The following POU6F2 variants were observed in gnomAD, a reference collection of about 807,000 sequenced individuals.
POU6F2 encodes the protein POU class 6 homeobox 2, also known as POU domain, class 6, transcription factor 2.
Under a neutral mutation model 71.3 loss-of-function variants are expected in POU6F2, and 31 were observed. The ratio of observed to expected loss-of-function variants is 0.43; its 90% CI spans 0.33 to 0.59. POU6F2 has a LOEUF of 0.59. Ranked by LOEUF, POU6F2 falls within the 20% of genes least tolerant of loss-of-function variation. The pLI is 0.04. For synonymous variants in POU6F2, 347 were observed against 355.7 expected (o/e 0.98, Z 0.27); for missense variants, 783 against 856.8 (o/e 0.91, Z 1.07).
At chr7:39,318,018 A>G (rs1785307394) in intron 4 of POU6F2, among the ~76,000 whole-genome samples, 1 of 152,118 alleles carries the variant, frequency 6.6e-6, no homozygotes, top group South Asian at 2.1e-4. Context: ...CTAGTAGGAA[A>G]CGTTTTTTGC....
intron 2 of POU6F2, among the ~76,000 whole-genome samples, chr7:39,130,631 T>G (rs1312986004): frequency 6.6e-6 from 1 of 151,910 alleles, no homozygotes. Context: ...GAAAACTCAC[T>G]GAATCATAAT....
At chr7:39,079,180 C>CTTTTTTTT (rs1162865518) in intron 1 of POU6F2, among the ~76,000 whole-genome samples, 2 of 79,306 alleles carry the variant, frequency 2.5e-5, no homozygotes, top group Admixed American at 1.9e-4. Flanking sequence ...CTCACAATAT[C>CTTTTTTTT]TTTTTTTTTT....
At chr7:39,275,172 C>T (rs929528024) in intron 4 of POU6F2, among the ~76,000 whole-genome samples, 3 of 152,210 alleles carry the variant, frequency 2.0e-5, no homozygotes, top group African/African-American at 7.2e-5. Flanking sequence ...AGCCCAAAAT[C>T]TCCTTAAGCT....
chr7:39,022,416 G>A (rs1789698257), intron 1 of POU6F2, among the ~76,000 whole-genome samples: 1 of 151,868 alleles, frequency 6.6e-6, no homozygotes, highest in African/African-American at 2.4e-5. Context: ...ATCATTTTCT[G>A]CAATAAAACA....
intron 7 of POU6F2, among the ~76,000 whole-genome samples, chr7:39,434,550 T>C (rs1788187081): frequency 6.6e-6 from 1 of 151,812 alleles, no homozygotes; most frequent in Non-Finnish European, 1.5e-5. Context: ...ATGATGGTGA[T>C]GATGATTGTG....
intron 1 of POU6F2, among the ~76,000 whole-genome samples, chr7:38,990,119 C>T (rs990654797): frequency 1.4e-4 from 21 of 151,876 alleles, no homozygotes; most frequent in African/African-American, 5.1e-4. Context: ...AAATTCTGGC[C>T]AAATATATGT....
intron 4 of POU6F2, among the ~76,000 whole-genome samples, chr7:39,339,393 G>A (rs897803760): frequency 5.9e-5 from 9 of 152,146 alleles, no homozygotes; most frequent in African/African-American, 1.9e-4. Flanking sequence ...GGCTTGCATT[G>A]TTCACCACCT....
chr7:39,378,390 G>T (rs2237407), intron 5 of POU6F2, among the ~76,000 whole-genome samples: 1 of 151,858 alleles, frequency 6.6e-6, no homozygotes, highest in Non-Finnish European at 1.5e-5. Context: ...CTCCAATCCC[G>T]TCTACAGACT....
chr7:39,317,067 C>A (rs12671222), intron 4 of POU6F2, among the ~76,000 whole-genome samples: 103,068 of 151,686 alleles, frequency 0.68, 35,037 homozygotes, highest in Admixed American at 0.77. Flanking sequence ...TTCCTTCTCA[C>A]GATAAGCCAG....
chr7:39,377,394 G>A (rs1437317575), intron 5 of POU6F2, among the ~76,000 whole-genome samples: 1 of 152,084 alleles, frequency 6.6e-6, no homozygotes, highest in South Asian at 2.1e-4. Flanking sequence ...GCCTCCCAAA[G>A]TGCCGGGATT....
At chr7:39,207,656 A>G (rs746316266) in intron 4 of POU6F2, 36 bp downstream of exon 4, 3 of 1,577,646 alleles carry the variant, frequency 1.9e-6, no homozygotes, top group East Asian at 4.6e-5. Context: ...GTAAGGCTCT[A>G]CCCGTTGGCC....
chr7:39,116,317 C>T (rs1359698697), intron 2 of POU6F2, among the ~76,000 whole-genome samples: 1 of 151,986 alleles, frequency 6.6e-6, no homozygotes, highest in Non-Finnish European at 1.5e-5. Flanking sequence ...CCTAGGAGGT[C>T]GAGGCTGCAG....
chr7:39,309,164 G>A (rs986616680), intron 4 of POU6F2, among the ~76,000 whole-genome samples: 13 of 152,196 alleles, frequency 8.5e-5, no homozygotes, highest in Admixed American at 1.3e-4. Flanking sequence ...AGAATATAGC[G>A]AGAACGAAAA....
intron 4 of POU6F2, among the ~76,000 whole-genome samples, chr7:39,266,738 A>G (rs1219972970): frequency 8.3e-6 from 1 of 119,814 alleles, no homozygotes; most frequent in Non-Finnish European, 1.7e-5. Context: ...GTAAATGCAT[A>G]TATTTATGGG....
chr7:39,219,594 A>G (rs973998649), intron 4 of POU6F2, among the ~76,000 whole-genome samples: 1 of 152,172 alleles, frequency 6.6e-6, no homozygotes, highest in African/African-American at 2.4e-5. Flanking sequence ...TCCCTTGAAA[A>G]CTATATTTTA....
intron 4 of POU6F2, among the ~76,000 whole-genome samples, chr7:39,331,013 G>C (rs1785637350): frequency 6.6e-6 from 1 of 152,122 alleles, no homozygotes; most frequent in Non-Finnish European, 1.5e-5. Context: ...TGCCACATAT[G>C]AGTGAGATCA....
At chr7:39,425,771 CT>C (rs1338516977) in intron 6 of POU6F2, among the ~76,000 whole-genome samples, 12 of 152,084 alleles carry the variant, frequency 7.9e-5, no homozygotes, top group African/African-American at 2.4e-4. Flanking sequence ...TTCAAGCATT[CT>C]TAGTTGACAA....
At chr7:39,169,467 C>T (rs1454129758) in intron 2 of POU6F2, among the ~76,000 whole-genome samples, 1 of 152,172 alleles carries the variant, frequency 6.6e-6, no homozygotes, top group Non-Finnish European at 1.5e-5. Flanking sequence ...CAACAAAAAC[C>T]TGTTCAAAGG....
chr7:39,124,191 C>T (rs1384151321), intron 2 of POU6F2, among the ~76,000 whole-genome samples: 3 of 152,080 alleles, frequency 2.0e-5, no homozygotes, highest in African/African-American at 4.8e-5. Flanking sequence ...GGATTACAGG[C>T]GTGCACCACC....
Sources: allele counts gnomAD v4.1 joint callset (sites outside exome capture counted in the v4.1 genomes callset), GRCh38; gene constraint gnomAD v4.1.1; transcripts MANE v1.5; gene names NCBI Gene and HGNC (gene_info 2026-07-23, HGNC 2026-07-21).